Variants in SCFD2 observed in about 807,000 individuals in gnomAD.
SCFD2 encodes the protein sec1 family domain-containing protein 2.
SCFD2 carries 54 observed loss-of-function variants against 58.9 expected under a neutral mutation model. The ratio of observed to expected loss-of-function variants is 0.92; its 90% CI spans 0.74 to 1.15. SCFD2 has a LOEUF of 1.15. Among genes scored for constraint, SCFD2 ranks in the 50% most tolerant of loss-of-function variants. The probability of loss-of-function intolerance (pLI) is 0.00; values close to 1 mark genes in which losing one functional copy is unlikely to be tolerated. For missense variants in SCFD2, 805 were observed against 836.6 expected (o/e 0.96, Z 0.47); for synonymous variants, 321 against 335.9 (o/e 0.96, Z 0.49).
In SCFD2 at chr4:53,202,036, C is replaced by T. The variant is rs1728259074; in HGVS notation, c.1312-56454G>A. 2.0e-5 allele frequency among the ~76,000 whole-genome samples: 3 copies of T among 152,116 alleles called. No individual in the cohort carries two copies. In the South Asian group the frequency reaches 6.2e-4, roughly 32 times the overall value. ...CAGAAGCTCTTTAGTTTAATTAGAT[C>T]CCATTTCTCAATTTTGGCTTCTGTT... is the stretch of plus-strand genomic sequence containing the variant. On this transcript the variant is annotated intron_variant, in intron 4 of 8. Coordinates refer to ENST00000401642, the MANE Select transcript of SCFD2 (RefSeq NM_152540.4).
At chr4:53,184,720 A>G (rs1017640467) in intron 4 of SCFD2, among the ~76,000 whole-genome samples, 1 of 152,076 alleles carries the variant, frequency 6.6e-6, no homozygotes, top group Middle Eastern at 3.2e-3. Flanking sequence ...CAACTCATCA[A>G]TCCCTCACTT....
At chr4:53,343,049 C>G (rs1733934702) in intron 2 of SCFD2, among the ~76,000 whole-genome samples, 1 of 151,964 alleles carries the variant, frequency 6.6e-6, no homozygotes, top group Admixed American at 6.6e-5. Context: ...ATTAGAAGAA[C>G]TAGAGAAGCA....
chr4:53,327,057 T>C (rs571372114), intron 2 of SCFD2, among the ~76,000 whole-genome samples: 10 of 150,312 alleles, frequency 6.7e-5, no homozygotes, highest in South Asian at 4.2e-4. Flanking sequence ...AAGTCATTAG[T>C]TGGTGCCTAG....
intron 5 of SCFD2, among the ~76,000 whole-genome samples, chr4:52,989,558 G>C (rs1408177902): frequency 1.3e-5 from 2 of 152,120 alleles, no homozygotes; most frequent in Non-Finnish European, 2.9e-5. Flanking sequence ...AATGCCTGTG[G>C]AATGCTTATG....
chr4:53,253,137 A>T (rs1730462002), intron 4 of SCFD2, among the ~76,000 whole-genome samples: 1 of 152,246 alleles, frequency 6.6e-6, no homozygotes. Flanking sequence ...CACATGAAAA[A>T]ATGCTCATCA....
At chr4:53,244,492 T>C (rs1729999982) in intron 4 of SCFD2, among the ~76,000 whole-genome samples, 1 of 152,102 alleles carries the variant, frequency 6.6e-6, no homozygotes, top group South Asian at 2.1e-4. Context: ...CCTCAAAGAC[T>C]TTGGGGTAAT....
intron 4 of SCFD2, among the ~76,000 whole-genome samples, chr4:53,235,689 A>G (rs1369184191): frequency 6.6e-6 from 1 of 152,202 alleles, no homozygotes; most frequent in Non-Finnish European, 1.5e-5. Flanking sequence ...ATGCTCTGAG[A>G]TTCCCCATTT....
At chr4:53,300,149 C>T (rs929194885) in intron 3 of SCFD2, among the ~76,000 whole-genome samples, 1 of 152,148 alleles carries the variant, frequency 6.6e-6, no homozygotes, top group African/African-American at 2.4e-5. Context: ...AAGACACAGA[C>T]TGGCAAATTG....
chr4:53,329,353 G>A (rs1039400352), intron 2 of SCFD2, among the ~76,000 whole-genome samples: 1 of 152,198 alleles, frequency 6.6e-6, no homozygotes, highest in African/African-American at 2.4e-5. Context: ...CTGTCTGACA[G>A]CTTTGAAGAG....
At chr4:53,263,903 A>T (rs1560419332) in intron 4 of SCFD2, among the ~76,000 whole-genome samples, 1 of 152,126 alleles carries the variant, frequency 6.6e-6, no homozygotes, top group Non-Finnish European at 1.5e-5. Context: ...CTGGTAGAGA[A>T]AGACCACCAG....
chr4:53,219,975 G>C (rs1440489528), intron 4 of SCFD2, among the ~76,000 whole-genome samples: 1 of 152,008 alleles, frequency 6.6e-6, no homozygotes, highest in Non-Finnish European at 1.5e-5. Flanking sequence ...CAATCTGCTG[G>C]GGTGTAAGCA....
At chr4:53,163,631 G>A (rs1726920105) in intron 4 of SCFD2, among the ~76,000 whole-genome samples, 2 of 152,180 alleles carry the variant, frequency 1.3e-5, no homozygotes, top group South Asian at 2.1e-4. Context: ...TACTCAGGAT[G>A]AGGCAGGAGA....
intron 5 of SCFD2, among the ~76,000 whole-genome samples, chr4:53,034,771 T>A (rs2148820724): frequency 6.6e-6 from 1 of 152,246 alleles, no homozygotes; most frequent in African/African-American, 2.4e-5. Flanking sequence ...TTACAAGGGA[T>A]GTGAAGGACC....
rs10032885 is a variant in SCFD2, at chr4:52,881,150, G to C, written c.1962+4597C>G. ...GAGAAAACATGTCCCTTTTAGAGCA[G>C]AGCAGTCTTCAGAGGCTAGCAGGTG... On this transcript the variant is annotated intron_variant, in intron 8 of 8. Transcript: ENST00000401642. Among the ~76,000 whole-genome samples the C allele has an allele frequency of 6.0e-3, 916 of 152,358 alleles. 13 individuals are homozygous for C. Among genetic ancestry groups the C allele is most frequent in the African/African-American group, 0.02 (819 of 41,574 alleles).
chr4:53,053,233 A>C (rs1448174874), intron 5 of SCFD2, among the ~76,000 whole-genome samples: 2 of 151,980 alleles, frequency 1.3e-5, no homozygotes, highest in Non-Finnish European at 2.9e-5. Flanking sequence ...AAAAAAAAAA[A>C]AAAAACTGGC....
chr4:52,955,981 C>A, intron 5 of SCFD2: 1 of 449,188 alleles, frequency 2.2e-6, no homozygotes, highest in Middle Eastern at 3.3e-4. Flanking sequence ...GCTGAGATAC[C>A]TATTGCTGTG....
At chr4:52,897,364 G>T (rs1052834570) in intron 7 of SCFD2, among the ~76,000 whole-genome samples, 3 of 152,206 alleles carry the variant, frequency 2.0e-5, no homozygotes, top group Non-Finnish European at 2.9e-5. Context: ...CTTTTAGTGT[G>T]AAGTGTTGTT....
At chr4:53,198,845 C>T (rs954786785) in intron 4 of SCFD2, among the ~76,000 whole-genome samples, 3 of 152,030 alleles carry the variant, frequency 2.0e-5, no homozygotes, top group Admixed American at 2.0e-4. Context: ...CCTATAATTA[C>T]CATCAAATTT....
intron 4 of SCFD2, among the ~76,000 whole-genome samples, chr4:53,207,529 T>TA (rs1491126530): frequency 0.11 from 1,604 of 14,240 alleles, 170 homozygotes; most frequent in African/African-American, 0.16. Context: ...ATATATAATA[T>TA]TTATATATTA....
Sources: gnomAD v4.1 joint callset for allele counts (sites outside exome capture counted in the v4.1 genomes callset) on GRCh38, gnomAD v4.1.1 for gene constraint, MANE v1.5 for transcripts, NCBI Gene and HGNC (gene_info 2026-07-23, HGNC 2026-07-21) for gene names.